CEP89: variants seen among roughly 807,000 people sequenced by gnomAD.
CEP89 encodes centrosomal protein of 89 kDa.
Under a neutral mutation model 97.6 loss-of-function variants are expected in CEP89, and 95 were observed. That is an observed-to-expected ratio of 0.97 (90% confidence interval 0.82 to 1.15). The LOEUF is 1.15. CEP89 is among the 50% of genes most tolerant of loss of function. The pLI is 0.00. For synonymous variants in CEP89, 354 were observed against 349.1 expected, an observed-to-expected ratio of 1.01 and a Z score of -0.16; for missense variants, 869 against 947.7, an observed-to-expected ratio of 0.92 and a Z score of 1.09.
intron 11 of CEP89, among the ~76,000 whole-genome samples, chr19:32,925,304 C>T (rs1464280198): frequency 1.3e-5 from 2 of 152,122 alleles, no homozygotes; most frequent in African/African-American, 4.8e-5. Flanking sequence ...AGCTCCGCTG[C>T]GCGAAGTCAT....
At position 32,875,955 on chromosome 19, in the gene CEP89, T is replaced by C. The variant is rs1969175354; in HGVS notation, c.*3207A>G. 1 of 152,202 alleles carries C rather than the reference T, an allele frequency of 6.6e-6. No homozygotes were observed. Among genetic ancestry groups the C allele is most frequent in the African/African-American group, 2.4e-5 (1 of 41,436 alleles). 9.4% of individuals were successfully genotyped at this position (152,202 alleles called of 1,614,324 possible). ...GTTATTTCTTTTTTAATTGTCTATA[T>C]AACAAAATCCACTGTTGTCACTGTT... is the stretch of plus-strand genomic sequence containing the variant. On this transcript the variant is annotated 3_prime_UTR_variant, in exon 19 of 19. Transcript: ENST00000305768.
intron 13 of CEP89, chr19:32,917,667 C>T: frequency 3.6e-6 from 1 of 281,486 alleles, no homozygotes; most frequent in Non-Finnish European, 5.4e-6. Context: ...CTTAACCTGG[C>T]CCCCTTACAG....
intron 18 of CEP89, among the ~76,000 whole-genome samples, chr19:32,879,784 G>A (rs2145863430): frequency 6.6e-6 from 1 of 152,350 alleles, no homozygotes. Context: ...GCTCTAGCAC[G>A]ATGGCCTGGC....
chr19:32,896,012 A>C (rs979897497), intron 16 of CEP89, among the ~76,000 whole-genome samples: 6 of 152,336 alleles, frequency 3.9e-5, no homozygotes, highest in Middle Eastern at 3.4e-3. Context: ...GGATGCGAAG[A>C]ATTAACATCA....
rs374849523 is a variant in CEP89 at position 32,879,002 on chromosome 19, C to T, written c.*160G>A. ...ATTAAAAAATAAAGCAAAATGTTATCAATGGATTAAACTATGAGACCATTT... is the reference window on the plus strand; with the variant it reads ...ATTAAAAAATAAAGCAAAATGTTATTAATGGATTAAACTATGAGACCATTT... On this transcript the variant is annotated 3_prime_UTR_variant, in exon 19 of 19. Coordinates refer to ENST00000305768, the MANE Select transcript of CEP89 (RefSeq NM_032816.5). The T allele has an allele frequency of 6.8e-5, 33 of 487,376 alleles. 1 individual carries two copies. Among genetic ancestry groups the T allele is most frequent in the Admixed American group, 3.0e-4 (8 of 26,948 alleles). 30.2% of individuals were successfully genotyped at this position (487,376 alleles called of 1,614,324 possible). A position where few individuals can be genotyped will look rare whatever the true frequency, so the allele number is the denominator to read the frequency against.
chr19:32,960,625 C>A (rs554982380), intron 2 of CEP89, among the ~76,000 whole-genome samples: 2 of 151,782 alleles, frequency 1.3e-5, no homozygotes, highest in Admixed American at 1.3e-4. Context: ...CTGGCTAACA[C>A]GGTGAAACCT....
chr19:32,952,641 C>A (rs1022083935), intron 4 of CEP89, among the ~76,000 whole-genome samples: 1 of 151,886 alleles, frequency 6.6e-6, no homozygotes, highest in Non-Finnish European at 1.5e-5. Flanking sequence ...CAGTGGCTCA[C>A]ACCTGTAATC....
chr19:32,902,006 C>CTG (rs1287486651), intron 14 of CEP89, among the ~76,000 whole-genome samples: 5 of 98,722 alleles, frequency 5.1e-5, no homozygotes, highest in Admixed American at 8.7e-5. Context: ...GTCTCTCTCT[C>CTG]TCTCTGTGTG....
intron 16 of CEP89, among the ~76,000 whole-genome samples, chr19:32,889,638 G>A (rs1177663728): frequency 6.6e-6 from 1 of 152,170 alleles, no homozygotes; most frequent in Non-Finnish European, 1.5e-5. Context: ...GGAGGATCCT[G>A]ACTTCGTTGT....
chr19:32,876,395 A>C lies in CEP89; in HGVS notation c.*2767T>G, dbSNP rs932643228. 2.0e-5 allele frequency: 3 copies of C among 152,648 alleles called. No homozygotes were observed. Among genetic ancestry groups the C allele is most frequent in the Non-Finnish European group, 4.4e-5 (3 of 68,386 alleles). 9.5% of individuals were successfully genotyped at this position (152,648 alleles called of 1,614,324 possible). On this transcript the variant is annotated 3_prime_UTR_variant, in exon 19 of 19. Coordinates refer to ENST00000305768, the MANE Select transcript of CEP89 (RefSeq NM_032816.5). ...AACCTCACCAGGACCAAGAAAGAGA[A>C]GGGTTCCCTGCTCAGACCAGACACT...
chr19:32,879,236 C>G lies in CEP89; in HGVS notation c.2278G>C (p.Val760Leu). The change falls in exon 19 of 19, where the codon GTC becomes CTC. Residue 760 changes from valine (V) to leucine (L), a missense_variant. Transcript: ENST00000305768. ...CCGTCCAGCAGGTCTGCCTGAGAGA[C>G]GCCATTGAGGCTGGGGGCAACCAGA... ...RALVAPSLNG[V>L]SQADLLDGCD... is the part of the protein sequence containing the mutation. 1 of 1,614,186 alleles carries G rather than the reference C, an allele frequency of 6.2e-7. No homozygotes were observed. Among genetic ancestry groups the G allele is most frequent in the Non-Finnish European group, 8.5e-7 (1 of 1,180,026 alleles).
intron 11 of CEP89, among the ~76,000 whole-genome samples, chr19:32,925,433 A>G (rs1286876866): frequency 3.3e-5 from 5 of 151,316 alleles, no homozygotes; most frequent in African/African-American, 1.2e-4. Context: ...GAAGCATCTA[A>G]GTTTGCCCAA....
chr19:32,887,892 T>G, intron 16 of CEP89, 51 bp from the exon 17 acceptor site: 1 of 1,050,292 alleles, frequency 9.5e-7, no homozygotes, highest in South Asian at 1.3e-5. Flanking sequence ...AAAATTGAAA[T>G]AACAAACAAT....
At chr19:32,934,608 A>T (rs958771581) in intron 7 of CEP89, among the ~76,000 whole-genome samples, 5 of 152,200 alleles carry the variant, frequency 3.3e-5, no homozygotes, top group African/African-American at 1.2e-4. Flanking sequence ...AATCCCTAAC[A>T]TGCAAAAGGT....
At chr19:32,906,518 T>A (rs976055641) in intron 14 of CEP89, among the ~76,000 whole-genome samples, 1 of 152,088 alleles carries the variant, frequency 6.6e-6, no homozygotes, top group African/African-American at 2.4e-5. Context: ...AAAGATATTA[T>A]CATTTTATAG....
chr19:32,901,471 TC>T, intron 14 of CEP89, 59 bp from the exon 15 acceptor site: 1 of 1,546,414 alleles, frequency 6.5e-7, no homozygotes, highest in Non-Finnish European at 8.8e-7. Flanking sequence ...AATGGGGCAG[TC>T]ACATAACGAG....
intron 4 of CEP89, among the ~76,000 whole-genome samples, chr19:32,948,930 G>T (rs543379966): frequency 6.6e-6 from 1 of 152,004 alleles, no homozygotes; most frequent in African/African-American, 2.4e-5. Context: ...GTCTCCTTAT[G>T]TTGCCCAGGT....
At chr19:32,887,691 A>C (rs1206456129) in intron 17 of CEP89, 61 bp downstream of exon 17, 1 of 989,520 alleles carries the variant, frequency 1.0e-6, no homozygotes, top group African/African-American at 1.6e-5. Flanking sequence ...ACAAAAATCC[A>C]CAGCAGTGAG....
intron 4 of CEP89, 95 bp from the exon 5 acceptor site, chr19:32,948,463 T>G (rs1190724313): frequency 7.4e-6 from 5 of 679,590 alleles, no homozygotes; most frequent in South Asian, 4.5e-5. Context: ...CTTTCAAACC[T>G]TCCCCACTGG....
Sources: gnomAD v4.1 joint callset for allele counts (sites outside exome capture counted in the v4.1 genomes callset) on GRCh38, gnomAD v4.1.1 for gene constraint, MANE v1.5 for transcripts, NCBI Gene and HGNC (gene_info 2026-07-23, HGNC 2026-07-21) for gene names.